TNC: variants seen among roughly 807,000 people sequenced by gnomAD.
The protein encoded by TNC is tenascin C, also known as tenascin.
In TNC, 109 loss-of-function variants were observed where a neutral mutation model predicts 202.4. The ratio of observed to expected loss-of-function variants is 0.54; its 90% CI spans 0.46 to 0.63. The LOEUF is 0.63. Ranked by LOEUF, TNC falls within the 30% of genes least tolerant of loss-of-function variation. The pLI is 0.00. For synonymous variants in TNC, 1,007 were observed against 1,089.7 expected, an observed-to-expected ratio of 0.92 and a Z score of 1.50; for missense variants, 2,756 against 2,833.3, an observed-to-expected ratio of 0.97 and a Z score of 0.62.
chr9:115,028,069 C>T (rs745452589), intron 25 of TNC, among the ~76,000 whole-genome samples: 5 of 152,132 alleles, frequency 3.3e-5, no homozygotes, highest in Non-Finnish European at 7.4e-5. Context: ...CTCTGGAATA[C>T]ATGCATATCA....
chr9:115,096,908 A>G (rs1835840034), intron 1 of TNC, among the ~76,000 whole-genome samples: 1 of 152,164 alleles, frequency 6.6e-6, no homozygotes, highest in Non-Finnish European at 1.5e-5. Flanking sequence ...ACGTTAAACT[A>G]AAACCAAGTT....
rs1450680750 is a variant in TNC at position 115,059,931 on chromosome 9, C to T, written c.4105G>A (p.Ala1369Thr). The change falls in exon 14 of 28, where the codon GCA becomes ACA. Residue 1369 changes from alanine to threonine, a missense_variant. Ala to Thr is a moderately conservative substitution (Grantham distance 58, BLOSUM62 0). Around this residue, in one of 2 missense-constraint regions of TNC, gnomAD observed 2,559 missense variants for 2,546.0 expected, o/e 1.01. Transcript: ENST00000350763. ...AAGTGCTCATAGGCATTGTCAGCTGCGGTCCAGTTGAGTCTGAGGCCATCC... is the reference window on the plus strand; with the variant it reads ...AAGTGCTCATAGGCATTGTCAGCTGTGGTCCAGTTGAGTCTGAGGCCATCC... The part of the protein sequence containing the change: ...GWDGLRLNWT[A>T]ADNAYEHFVI... 8.7e-6 allele frequency: 14 copies of T among 1,614,060 alleles called. No individual in the cohort carries two copies. Among genetic ancestry groups the T allele is most frequent in the East Asian group, 4.5e-5 (2 of 44,860 alleles).
intron 22 of TNC, among the ~76,000 whole-genome samples, chr9:115,033,064 G>C (rs1320774496): frequency 6.6e-6 from 1 of 152,150 alleles, no homozygotes; most frequent in Non-Finnish European, 1.5e-5. Context: ...CTGGGAACTG[G>C]GAAGGTACCT....
At chr9:115,058,902 G>T (rs1291527504) in intron 14 of TNC, among the ~76,000 whole-genome samples, 1 of 152,190 alleles carries the variant, frequency 6.6e-6, no homozygotes, top group Non-Finnish European at 1.5e-5. Flanking sequence ...GGGGTAGAGT[G>T]ACGAGTAAAC....
chr9:115,054,713 C>T (rs1011773101), intron 15 of TNC, among the ~76,000 whole-genome samples: 5 of 152,176 alleles, frequency 3.3e-5, no homozygotes, highest in Admixed American at 1.3e-4. Context: ...TCTCCCACCA[C>T]TTTAAACCTT....
intron 15 of TNC, among the ~76,000 whole-genome samples, chr9:115,052,019 G>A (rs1028804985): frequency 9.6e-5 from 6 of 62,566 alleles, no homozygotes; most frequent in African/African-American, 1.9e-4. Flanking sequence ...AAGAAAATGT[G>A]GTGTATAGAT....
At chr9:115,027,464 C>T (rs1004288074) in intron 25 of TNC, among the ~76,000 whole-genome samples, 1 of 151,948 alleles carries the variant, frequency 6.6e-6, no homozygotes, top group Non-Finnish European at 1.5e-5. Context: ...GTGGAGGGTG[C>T]CTGTAATCTC....
chr9:115,029,046 A>G (rs1829749273), intron 25 of TNC, among the ~76,000 whole-genome samples: 1 of 150,096 alleles, frequency 6.7e-6, no homozygotes, highest in Admixed American at 6.6e-5. Context: ...AAAAAAAAAA[A>G]AAAAAAAAAG....
chr9:115,026,474 C>T, intron 26 of TNC, 60 bp downstream of exon 26: 1 of 1,543,502 alleles, frequency 6.5e-7, no homozygotes, highest in Non-Finnish European at 8.9e-7. Context: ...GAGAAATAAA[C>T]TGTAAATGTC....
At chr9:115,077,750 G>A (rs1362666247) in intron 7 of TNC, among the ~76,000 whole-genome samples, 193 bp downstream of exon 7, 1 of 152,154 alleles carries the variant, frequency 6.6e-6, no homozygotes, top group Non-Finnish European at 1.5e-5. Flanking sequence ...AAGTGCTTTG[G>A]AAGGTTATTT....
intron 19 of TNC, among the ~76,000 whole-genome samples, 179 bp from the exon 20 acceptor site, chr9:115,038,559 C>G (rs1002228253): frequency 3.3e-5 from 5 of 152,232 alleles, no homozygotes; most frequent in Non-Finnish European, 7.3e-5. Context: ...GACTCCCTCC[C>G]TTGCTGGCTC....
At chr9:115,083,854 T>C in intron 4 of TNC, among the ~76,000 whole-genome samples, 1 of 152,138 alleles carries the variant, frequency 6.6e-6, no homozygotes, top group East Asian at 1.9e-4. Context: ...ATCCACCTAC[T>C]TTGGCCTCCC....
At chr9:115,024,272 G>A in intron 26 of TNC, 136 bp from the exon 27 acceptor site, 3 of 829,118 alleles carry the variant, frequency 3.6e-6, no homozygotes, top group East Asian at 2.6e-5. Flanking sequence ...CCCAGAGTCA[G>A]CATTGAATGC....
rs564724975 is a variant in TNC, at chr9:115,019,703, C to G, written c.*1454G>C. On this transcript the variant is annotated 3_prime_UTR_variant, in exon 28 of 28. Transcript: ENST00000350763. ...AACATGTACTAGCACTTAATATACA[C>G]CGGGTACCATTCTAAGGGCCTCAAA... The G allele has an allele frequency of 1.3e-5, 2 of 152,250 alleles. No individual in the cohort carries two copies. The highest frequency in any genetic ancestry group is 3.9e-4 in the East Asian group (2 of 5,184). The allele number at this position is 152,250 out of a possible 1,614,324, so 9.4% of individuals were successfully genotyped here. A position where few individuals can be genotyped will look rare whatever the true frequency, so the allele number is the denominator to read the frequency against.
At chr9:115,030,215 C>T (rs1471071614) in intron 24 of TNC, 39 bp downstream of exon 24, 10 of 1,571,430 alleles carry the variant, frequency 6.4e-6, no homozygotes, top group Non-Finnish European at 8.7e-6. Flanking sequence ...TCCCTCTTCC[C>T]CTAGGCCTGA....
rs142544129 is a variant in TNC, at chr9:115,057,251, T to C, written c.4481A>G (p.His1494Arg). 51 of 1,614,042 alleles carry C rather than the reference T, an allele frequency of 3.2e-5. No individual in the cohort carries two copies. In the African/African-American group the frequency reaches 5.3e-4, roughly 17 times the overall value. Reference sequence around the variant, plus strand: ...AGTACTAGGGGGTAGCCCTGAGATATGGGCAGTTCGTTCAGCACCAGAGAT... The same window carrying C: ...AGTACTAGGGGGTAGCCCTGAGATACGGGCAGTTCGTTCAGCACCAGAGAT... The part of the protein sequence containing the change: ...YNISGAERTA[H>R]ISGLPPSTDF... The change falls in exon 15 of 28, where the codon CAT becomes CGT. Residue 1494 changes from histidine (H) to arginine (R), a missense_variant. Physicochemically the swap from His to Arg is conservative, Grantham distance 29. This residue lies in a region of TNC where 2,559 missense variants were observed against 2,546.0 expected (regional missense o/e 1.01). Transcript: ENST00000350763.
At chr9:115,085,263 C>G (rs1374449308) in intron 3 of TNC, among the ~76,000 whole-genome samples, 1 of 152,012 alleles carries the variant, frequency 6.6e-6, no homozygotes, top group Admixed American at 6.6e-5. Flanking sequence ...AAAAACAAAA[C>G]AATCAAAAAA....
chr9:115,047,332 C>G (rs985192439), intron 16 of TNC, among the ~76,000 whole-genome samples: 1 of 148,146 alleles, frequency 6.8e-6, no homozygotes, highest in Non-Finnish European at 1.5e-5. Context: ...ACCTTTTGTG[C>G]TACATACTGT....
chr9:115,099,175 G>T (rs57339822), intron 1 of TNC, among the ~76,000 whole-genome samples: 28 of 152,066 alleles, frequency 1.8e-4, no homozygotes, highest in Admixed American at 3.9e-4. Flanking sequence ...AGAGGACTGA[G>T]AATTAATTTC....
Sources: allele counts gnomAD v4.1 joint callset (sites outside exome capture counted in the v4.1 genomes callset), GRCh38; gene constraint gnomAD v4.1.1; regional missense constraint gnomAD v4.1.1; transcripts MANE v1.5; gene names NCBI Gene and HGNC (gene_info 2026-07-23, HGNC 2026-07-21).